Variants in KCNH8 observed in about 807,000 individuals in gnomAD.
KCNH8 encodes voltage-gated delayed rectifier potassium channel KCNH8.
In KCNH8, 70 loss-of-function variants were observed where a neutral mutation model predicts 103.6. The ratio of observed to expected loss-of-function variants is 0.68; its 90% CI spans 0.56 to 0.82. The LOEUF is 0.82. Ranked by LOEUF, KCNH8 falls within the 40% of genes least tolerant of loss-of-function variation. The pLI, the probability that KCNH8 is intolerant of heterozygous loss-of-function variation, is 0.00. For missense variants in KCNH8, 1,217 were observed against 1,329.9 expected, an observed-to-expected ratio of 0.92 and a Z score of 1.32; for synonymous variants, 498 against 489.4, an observed-to-expected ratio of 1.02 and a Z score of -0.23.
chr3:19,171,158 T>C (rs1042298683), intron 1 of KCNH8, among the ~76,000 whole-genome samples: 5 of 152,174 alleles, frequency 3.3e-5, no homozygotes, highest in African/African-American at 1.2e-4. Flanking sequence ...CTCTTTCTTA[T>C]TCTTACTTGT....
chr3:19,438,752 G>A (rs539908953), intron 8 of KCNH8, among the ~76,000 whole-genome samples: 2 of 152,244 alleles, frequency 1.3e-5, no homozygotes, highest in African/African-American at 4.8e-5. Context: ...CAGTGGCTTA[G>A]AACCTGAATT....
At chr3:19,416,320 T>G (rs1366331779) in intron 7 of KCNH8, among the ~76,000 whole-genome samples, 1 of 152,156 alleles carries the variant, frequency 6.6e-6, no homozygotes, top group African/African-American at 2.4e-5. Context: ...TTATAAGACC[T>G]TATTATTTTC....
chr3:19,423,190 C>A (rs1559320840), intron 7 of KCNH8, among the ~76,000 whole-genome samples: 1 of 152,014 alleles, frequency 6.6e-6, no homozygotes, highest in Non-Finnish European at 1.5e-5. Flanking sequence ...TAAGATAAAT[C>A]CTAAAATAAA....
intron 1 of KCNH8, among the ~76,000 whole-genome samples, chr3:19,181,187 AT>A: frequency 6.6e-6 from 1 of 152,190 alleles, no homozygotes; most frequent in Non-Finnish European, 1.5e-5. Flanking sequence ...TCAGAAAATA[AT>A]TTTTAAAAGA....
chr3:19,156,910 T>C (rs2063185893), intron 1 of KCNH8, among the ~76,000 whole-genome samples: 1 of 151,852 alleles, frequency 6.6e-6, no homozygotes, highest in African/African-American at 2.4e-5. Flanking sequence ...TTCTCCACAA[T>C]GAACTTGCAG....
At chr3:19,201,595 C>G (rs1371265356) in intron 1 of KCNH8, among the ~76,000 whole-genome samples, 1 of 152,000 alleles carries the variant, frequency 6.6e-6, no homozygotes, top group African/African-American at 2.4e-5. Context: ...CTATACAGCT[C>G]AATGGCCCTT....
chr3:19,239,994 A>G (rs1278906897), intron 1 of KCNH8, among the ~76,000 whole-genome samples: 1 of 152,118 alleles, frequency 6.6e-6, no homozygotes. Context: ...GTGTTCGTGG[A>G]CTCAAAACAT....
At position 19,253,871 on chromosome 3, in the gene KCNH8, G is replaced by A. The variant is rs755483864; in HGVS notation, c.294G>A (p.Met98Ile). 9 of 1,612,468 alleles carry A rather than the reference G, an allele frequency of 5.6e-6. No homozygotes were observed. Among genetic ancestry groups the A allele is most frequent in the South Asian group, 2.2e-5 (2 of 91,042 alleles). Residue 98 changes from methionine (M) to isoleucine (I), a missense_variant, in exon 2 of 16, where the codon ATG (methionine) becomes ATA (isoleucine). Physicochemically the swap from Met to Ile is conservative, Grantham distance 10 (BLOSUM62 1). Transcript: ENST00000328405. The stretch of plus-strand genomic sequence containing the variant: ...AAACAGAATTCAAAGGAGAAATTAT[G>A]TTCTACAAGAAAAACGGTGAGTTGG... Reference protein sequence around the residue: ...EEKTEFKGEIMFYKKNGSPFW... With the variant: ...EEKTEFKGEIIFYKKNGSPFW...
intron 11 of KCNH8, among the ~76,000 whole-genome samples, chr3:19,482,113 G>C (rs2068098451): frequency 6.6e-6 from 1 of 152,170 alleles, no homozygotes; most frequent in African/African-American, 2.4e-5. Context: ...CAAGCAGGCA[G>C]TACGTGACTG....
intron 11 of KCNH8, among the ~76,000 whole-genome samples, chr3:19,501,388 T>A (rs893622012): frequency 6.6e-6 from 1 of 152,004 alleles, no homozygotes; most frequent in Non-Finnish European, 1.5e-5. Flanking sequence ...ACTATTCCAA[T>A]CAACAGAAAA....
intron 4 of KCNH8, among the ~76,000 whole-genome samples, chr3:19,343,288 G>C (rs891973727): frequency 6.6e-6 from 1 of 152,000 alleles, no homozygotes; most frequent in Non-Finnish European, 1.5e-5. Flanking sequence ...AATTACAATA[G>C]AGTTGCTTTC....
intron 7 of KCNH8, among the ~76,000 whole-genome samples, chr3:19,430,031 T>C (rs2067096454): frequency 6.6e-6 from 1 of 152,240 alleles, no homozygotes; most frequent in African/African-American, 2.4e-5. Context: ...AATGTATGCA[T>C]GCATGTGTCT....
At chr3:19,327,017 A>G (rs1007321926) in intron 3 of KCNH8, among the ~76,000 whole-genome samples, 2 of 152,072 alleles carry the variant, frequency 1.3e-5, no homozygotes, top group African/African-American at 4.8e-5. Context: ...TCCATTGTCT[A>G]AGATGTCTAG....
At chr3:19,417,655 G>T (rs1385642852) in intron 7 of KCNH8, among the ~76,000 whole-genome samples, 2 of 151,966 alleles carry the variant, frequency 1.3e-5, no homozygotes, top group African/African-American at 4.8e-5. Flanking sequence ...CATAAAATAT[G>T]CTTAATATAC....
At chr3:19,442,249 A>G (rs1559329706) in intron 8 of KCNH8, among the ~76,000 whole-genome samples, 1 of 152,218 alleles carries the variant, frequency 6.6e-6, no homozygotes, top group Non-Finnish European at 1.5e-5. Flanking sequence ...GTGATATCCC[A>G]TATTTCAGCC....
intron 11 of KCNH8, among the ~76,000 whole-genome samples, chr3:19,482,066 G>T (rs559127555): frequency 1.3e-5 from 2 of 152,086 alleles, no homozygotes; most frequent in Admixed American, 1.3e-4. Flanking sequence ...CAACTCTAAG[G>T]GTGTCCATGT....
chr3:19,383,974 A>G (rs781287925), intron 5 of KCNH8, among the ~76,000 whole-genome samples: 66 of 152,286 alleles, frequency 4.3e-4, no homozygotes, highest in Middle Eastern at 3.4e-3. Context: ...CCAAAGTTCA[A>G]TATCTAATTT....
intron 11 of KCNH8, among the ~76,000 whole-genome samples, chr3:19,472,276 A>G (rs2067877494): frequency 6.6e-6 from 1 of 151,068 alleles, no homozygotes; most frequent in African/African-American, 2.4e-5. Flanking sequence ...AGAATGTTAG[A>G]ACACAAAGGC....
chr3:19,394,074 G>C (rs2066478184), intron 6 of KCNH8, among the ~76,000 whole-genome samples: 1 of 152,024 alleles, frequency 6.6e-6, no homozygotes. Context: ...TCCCAGTGCT[G>C]ACCTTGTGTC....
Sources: allele counts gnomAD v4.1 joint callset (sites outside exome capture counted in the v4.1 genomes callset), GRCh38; gene constraint gnomAD v4.1.1; transcripts MANE v1.5; gene names NCBI Gene and HGNC (gene_info 2026-07-23, HGNC 2026-07-21).